GNAQ: variants seen among roughly 807,000 people sequenced by gnomAD.
GNAQ encodes G protein subunit alpha q.
GNAQ carries 8 observed loss-of-function variants against 43.9 expected under a neutral mutation model. The ratio of observed to expected loss-of-function variants is 0.18; its 90% CI spans 0.11 to 0.33. The LOEUF (loss-of-function observed/expected upper bound fraction) is 0.33. Among genes scored for constraint, GNAQ ranks in the 10% least tolerant of loss-of-function variants. The pLI is 1.00. For missense variants in GNAQ, 158 were observed against 450.8 expected, an observed-to-expected ratio of 0.35 and a Z score of 5.88; for synonymous variants, 155 against 170.7, an observed-to-expected ratio of 0.91 and a Z score of 0.71.
At chr9:77,889,499 G>C (rs2118102650) in intron 2 of GNAQ, among the ~76,000 whole-genome samples, 1 of 137,968 alleles carries the variant, frequency 7.2e-6, no homozygotes, top group African/African-American at 2.7e-5. Context: ...TTTCTGATCT[G>C]TTTCTAGCAT....
chr9:77,821,824 C>T (rs1017409482), intron 2 of GNAQ, among the ~76,000 whole-genome samples: 5 of 151,436 alleles, frequency 3.3e-5, no homozygotes, highest in African/African-American at 4.9e-5. Flanking sequence ...TATACAAAGT[C>T]ACAGTTGATT....
rs370654627 is a variant in GNAQ at position 77,770,880 on chromosome 9, T to C, written c.735+23583A>G. On this transcript the variant is annotated intron_variant, in intron 5 of 6. Transcript: ENST00000286548. Reference sequence around the variant, plus strand: ...AATCACAAAGCAAAGATAACACTGCTTAAGATTTTTATTTTTCAGATCATG... The same window carrying C: ...AATCACAAAGCAAAGATAACACTGCCTAAGATTTTTATTTTTCAGATCATG... Among the ~76,000 whole-genome samples, 11 of 152,300 alleles carry C rather than the reference T, an allele frequency of 7.2e-5. No homozygotes were observed. In the South Asian group the frequency reaches 2.3e-3, roughly 32 times the overall value.
At chr9:78,017,946 TAATAATA>T (rs1823859263) in intron 1 of GNAQ, among the ~76,000 whole-genome samples, 4 of 152,192 alleles carry the variant, frequency 2.6e-5, no homozygotes, top group African/African-American at 9.6e-5. Flanking sequence ...ACTGATATTC[TAATAATA>T]TTGTTCATGA....
chr9:77,959,740 T>C (rs1248448103), intron 1 of GNAQ, among the ~76,000 whole-genome samples: 1 of 152,106 alleles, frequency 6.6e-6, no homozygotes, highest in African/African-American at 2.4e-5. Context: ...TTACCAATAC[T>C]CAAAGTATAA....
chr9:77,723,393 A>G (rs1825349417), intron 6 of GNAQ, among the ~76,000 whole-genome samples: 1 of 152,250 alleles, frequency 6.6e-6, no homozygotes, highest in Non-Finnish European at 1.5e-5. Flanking sequence ...ACTCCAATGT[A>G]TATATCTAAA....
In GNAQ at chr9:77,797,414, C is replaced by T. The variant is rs78268024; in HGVS notation, c.605+106G>A. 1,045 of 816,454 alleles carry T rather than the reference C, an allele frequency of 1.3e-3. 1 individual carries two copies. Among genetic ancestry groups the T allele is most frequent in the Non-Finnish European group, 2.0e-3 (934 of 474,260 alleles). The allele number at this position is 816,454 out of a possible 1,614,324, so 50.6% of individuals were successfully genotyped here. On this transcript the variant is annotated intron_variant, in intron 4 of 6. Coordinates refer to ENST00000286548, the MANE Select transcript of GNAQ (RefSeq NM_002072.5). ...ACTAATGATAATAATTGGTATAAAG[C>T]CTATCTTGTTTTGAAGCCTACACAT...
intron 6 of GNAQ, among the ~76,000 whole-genome samples, chr9:77,725,485 C>T (rs577458177): frequency 1.0e-4 from 15 of 149,410 alleles, no homozygotes; most frequent in Non-Finnish European, 1.3e-4. Flanking sequence ...ATGACTGCTG[C>T]GCTGGCTTTG....
At chr9:77,894,510 C>A (rs1438063830) in intron 2 of GNAQ, among the ~76,000 whole-genome samples, 2 of 149,832 alleles carry the variant, frequency 1.3e-5, no homozygotes, top group African/African-American at 4.9e-5. Context: ...GCAACCTCTG[C>A]CTCCCAGGTT....
intron 5 of GNAQ, among the ~76,000 whole-genome samples, chr9:77,762,012 C>CA (rs1826040204): frequency 7.4e-6 from 1 of 134,482 alleles, no homozygotes. Context: ...TCTGCCCGGC[C>CA]GCCCCTCCTG....
At chr9:77,839,811 G>A (rs957483129) in intron 2 of GNAQ, among the ~76,000 whole-genome samples, 75 of 152,334 alleles carry the variant, frequency 4.9e-4, no homozygotes, top group African/African-American at 1.7e-3. Flanking sequence ...AGTGGGTTAA[G>A]TGCTGAAAAA....
At chr9:77,963,829 G>A (rs1437355380) in intron 1 of GNAQ, among the ~76,000 whole-genome samples, 3 of 152,094 alleles carry the variant, frequency 2.0e-5, no homozygotes, top group Non-Finnish European at 2.9e-5. Flanking sequence ...AATTTTTACA[G>A]AAAATTATTA....
At chr9:77,731,483 G>T (rs920973066) in intron 5 of GNAQ, among the ~76,000 whole-genome samples, 3 of 152,198 alleles carry the variant, frequency 2.0e-5, no homozygotes, top group Admixed American at 6.5e-5. Flanking sequence ...CAGGTGCCAT[G>T]TGGACTGAAG....
intron 1 of GNAQ, among the ~76,000 whole-genome samples, chr9:78,020,099 T>C (rs1823889576): frequency 1.3e-5 from 2 of 152,156 alleles, no homozygotes; most frequent in Admixed American, 1.3e-4. Context: ...CTACATTACA[T>C]GCCTCCACTT....
chr9:77,884,076 T>C (rs1278999611), intron 2 of GNAQ, among the ~76,000 whole-genome samples: 1 of 152,114 alleles, frequency 6.6e-6, no homozygotes, highest in Admixed American at 6.6e-5. Flanking sequence ...CTGCTCTGGG[T>C]GAGAAGCAAA....
At chr9:77,904,520 G>A (rs1023321516) in intron 2 of GNAQ, among the ~76,000 whole-genome samples, 2 of 151,758 alleles carry the variant, frequency 1.3e-5, no homozygotes, top group East Asian at 3.9e-4. Context: ...TTTTAGTAGA[G>A]ACAAGGTTTC....
At chr9:77,732,439 C>T (rs764503926) in intron 5 of GNAQ, among the ~76,000 whole-genome samples, 1 of 151,112 alleles carries the variant, frequency 6.6e-6, no homozygotes, top group African/African-American at 2.4e-5. Flanking sequence ...GATCTCAGCT[C>T]ACTGCAACCT....
At chr9:77,753,301 A>AC (rs1825846879) in intron 5 of GNAQ, among the ~76,000 whole-genome samples, 1 of 151,652 alleles carries the variant, frequency 6.6e-6, no homozygotes, top group South Asian at 2.1e-4. Flanking sequence ...ACACACACAC[A>AC]CCCCCACCCA....
At chr9:77,792,024 T>C (rs1826582700) in intron 5 of GNAQ, among the ~76,000 whole-genome samples, 1 of 151,500 alleles carries the variant, frequency 6.6e-6, no homozygotes, top group Non-Finnish European at 1.5e-5. Flanking sequence ...TTAGTACAAC[T>C]GGGGAAAAAA....
intron 1 of GNAQ, among the ~76,000 whole-genome samples, chr9:77,960,463 T>C (rs1395259015): frequency 6.6e-6 from 1 of 152,158 alleles, no homozygotes; most frequent in Non-Finnish European, 1.5e-5. Context: ...CTGTTACCCC[T>C]GGCCCTGGAG....
Sources: gnomAD v4.1 joint callset for allele counts (sites outside exome capture counted in the v4.1 genomes callset) on GRCh38, gnomAD v4.1.1 for gene constraint, MANE v1.5 for transcripts, NCBI Gene and HGNC (gene_info 2026-07-23, HGNC 2026-07-21) for gene names.